Variants in TUBB1 observed in about 807,000 individuals in gnomAD.
TUBB1 encodes the protein tubulin beta 1 class VI.
In TUBB1, 28 loss-of-function variants were observed where a neutral mutation model predicts 22.6. That is an observed-to-expected ratio of 1.24 (90% confidence interval 0.92 to 1.70). The LOEUF (loss-of-function observed/expected upper bound fraction) is 1.70. Ranked by LOEUF, TUBB1 falls within the 40% of genes most tolerant of loss-of-function variation. The probability of loss-of-function intolerance (pLI) is 0.00; values close to 1 mark genes in which losing one functional copy is unlikely to be tolerated. For missense variants in TUBB1, 577 were observed against 605.5 expected, an observed-to-expected ratio of 0.95 and a Z score of 0.49; for synonymous variants, 226 against 238.0, an observed-to-expected ratio of 0.95 and a Z score of 0.46.
upstream of TUBB1, among the ~76,000 whole-genome samples, chr20:59,016,657 T>C (rs1218497190): frequency 6.6e-6 from 1 of 152,192 alleles, no homozygotes; most frequent in African/African-American, 2.4e-5. Context: ...TGAGGCAAGA[T>C]GGGCTAATGT....
rs759106726 is a variant in TUBB1, at chr20:59,024,332, C to T, written c.905C>T (p.Ala302Val). 2.7e-5 allele frequency: 44 copies of T among 1,613,640 alleles called. No homozygotes were observed. Among genetic ancestry groups the T allele is most frequent in the Non-Finnish European group, 3.4e-5 (40 of 1,179,786 alleles). The change falls in exon 4 of 4, where the codon GCC (alanine) becomes GTC (valine). Residue 302 changes from alanine to valine, a missense_variant. Physicochemically the swap from Ala to Val is moderately conservative, Grantham distance 64. Coordinates refer to ENST00000217133, the MANE Select transcript of TUBB1 (RefSeq NM_030773.4). This position sits in a 1 kb window ranked among gnomAD's most constrained non-coding sequence, Gnocchi z 4.9. ...TTCGATGCCCGCAATACCATGGCTGCCTGTGACCTCCGCCGTGGCCGCTAC... is the reference window on the plus strand; with the variant it reads ...TTCGATGCCCGCAATACCATGGCTGTCTGTGACCTCCGCCGTGGCCGCTAC... ...QMFDARNTMAACDLRRGRYLT... is the reference protein window; with the variant it reads ...QMFDARNTMAVCDLRRGRYLT...
At chr20:59,016,996 A>C (rs889281963), upstream of TUBB1, among the ~76,000 whole-genome samples, 2 of 152,134 alleles carry the variant, frequency 1.3e-5, no homozygotes, top group African/African-American at 4.8e-5. Context: ...CTTTGAAAAG[A>C]ACCAGCAATT....
Position 59,024,113 on chromosome 20 carries a change from T to C in TUBB1, c.686T>C (p.Val229Ala). 1.9e-6 allele frequency: 3 copies of C among 1,614,220 alleles called. No homozygotes were observed. The highest frequency in any genetic ancestry group is 2.5e-6 in the Non-Finnish European group (3 of 1,180,032). Residue 229 changes from valine to alanine, a missense_variant, in exon 4 of 4, where the codon GTG becomes GCG. Coordinates refer to ENST00000217133, the MANE Select transcript of TUBB1 (RefSeq NM_030773.4). This position sits in a 1 kb window ranked among gnomAD's most constrained non-coding sequence, Gnocchi z 4.9. The stretch of plus-strand genomic sequence containing the variant: ...ACCTATGGGGATCTCAACCACCTAG[T>C]GTCCTTGACCATGAGCGGCATAACC... ...TPTYGDLNHL[V>A]SLTMSGITTS...
chr20:59,023,284 A>G (rs1170939924), intron 2 of TUBB1, among the ~76,000 whole-genome samples: 1 of 151,996 alleles, frequency 6.6e-6, no homozygotes, highest in Non-Finnish European at 1.5e-5. Context: ...AGACTGATGG[A>G]GATTGTTTCT....
rs753172749 is a variant in TUBB1, at chr20:59,023,832, C to T, written c.405C>T (p.Ile135=). Residue 135 remains isoleucine (I), a synonymous_variant, in exon 4 of 4, where the codon ATC becomes ATT. Coordinates refer to ENST00000217133, the MANE Select transcript of TUBB1 (RefSeq NM_030773.4). Reference sequence around the variant, plus strand: ...GTGACTGCCTGCAGGGCTTCCAGATCGTCCACTCCCTGGGCGGGGGCACAG... The same window carrying T: ...GTGACTGCCTGCAGGGCTTCCAGATTGTCCACTCCCTGGGCGGGGGCACAG... ...ESCDCLQGFQ[I]VHSLGGGTGS... 1.9e-6 allele frequency: 3 copies of T among 1,614,160 alleles called. No individual in the cohort carries two copies. The highest frequency in any genetic ancestry group is 1.7e-5 in the Admixed American group (1 of 60,020).
At position 59,019,588 on chromosome 20, in the gene TUBB1, T is replaced by C. The variant is rs774094890; in HGVS notation, c.57+9T>C. The C allele has an allele frequency of 6.2e-7, 1 of 1,614,058 alleles. No individual in the cohort carries two copies. The highest frequency in any genetic ancestry group is 8.5e-7 in the Non-Finnish European group (1 of 1,179,904). On this transcript the variant is annotated intron_variant, in intron 1 of 3. Coordinates refer to ENST00000217133, the MANE Select transcript of TUBB1 (RefSeq NM_030773.4). The stretch of plus-strand genomic sequence containing the variant: ...ACCAGATCGGAGCCAAGGTAAGTAA[T>C]GTCTGGTTACTAATCCTAGCTTTAC...
Position 59,024,775 on chromosome 20 carries a change from G to T in TUBB1, c.1348G>T (p.Gly450Ter). ...GGCAGAAATGGAGCCAGAAGATAAG[G>T]GACATTAACTGTGAGAGAAGCTGTG... ...EEAEMEPEDK[G>*]H Residue 450 changes from glycine (G) to a stop codon, truncating the protein, a stop_gained, in exon 4 of 4, where the codon GGA becomes TGA. Coordinates refer to ENST00000217133, the MANE Select transcript of TUBB1 (RefSeq NM_030773.4). LOFTEE classifies it high-confidence loss of function. This position sits in a 1 kb window ranked among gnomAD's most constrained non-coding sequence, Gnocchi z 4.9. 6.2e-7 allele frequency: 1 copy of T among 1,614,020 alleles called. No individual in the cohort carries two copies. The highest frequency in any genetic ancestry group is 1.7e-5 in the Admixed American group (1 of 60,026).
rs2091986429 is a variant in TUBB1, at chr20:59,024,739, G to C, written c.1312G>C (p.Val438Leu). The C allele has an allele frequency of 6.2e-7, 1 of 1,614,130 alleles. No homozygotes were observed. Among genetic ancestry groups the C allele is most frequent in the Middle Eastern group, 1.6e-4 (1 of 6,062 alleles). ...AKAVLEEDEE[V>L]TEEAEMEPED... The stretch of plus-strand genomic sequence containing the variant: ...AGCAGTTCTAGAGGAAGATGAAGAG[G>C]TCACGGAGGAGGCAGAAATGGAGCC... Residue 438 changes from valine (V) to leucine (L), a missense_variant, in exon 4 of 4, where the codon GTC becomes CTC. Val to Leu is a conservative substitution (Grantham distance 32). Transcript: ENST00000217133. This position sits in a 1 kb window ranked among gnomAD's most constrained non-coding sequence, Gnocchi z 4.9.
intron 1 of TUBB1, 72 bp downstream of exon 1, chr20:59,019,651 A>G: frequency 1.4e-6 from 2 of 1,441,096 alleles, no homozygotes; most frequent in Non-Finnish European, 2.0e-6. Context: ...AAAATACCCT[A>G]AGTTAGCAGG....
chr20:59,023,847 C>CG lies in TUBB1; in HGVS notation c.425dup (p.Thr143HisfsTer14). ...GCTTCCAGATCGTCCACTCCCTGGG[C>CG]GGGGGCACAGGCTCCGGGATGGGCA... On this transcript the variant is annotated frameshift_variant, in exon 4 of 4. Coordinates refer to ENST00000217133, the MANE Select transcript of TUBB1 (RefSeq NM_030773.4). LOFTEE classifies it high-confidence loss of function. 1.2e-6 allele frequency: 2 copies of CG among 1,614,064 alleles called. No homozygotes were observed. Among genetic ancestry groups the CG allele is most frequent in the Non-Finnish European group, 1.7e-6 (2 of 1,179,968 alleles).
chr20:59,023,524 C>T lies in TUBB1; in HGVS notation c.201C>T (p.Asp67=), dbSNP rs988554913. Residue 67 remains aspartate (D), a synonymous_variant, in exon 3 of 4, where the codon GAC becomes GAT. Transcript: ENST00000217133. ...RKYVPRAVLV[D]LEPGTMDSIR... is the part of the protein sequence containing the mutation. ...ATGTGCCCCGAGCAGTCTTGGTGGA[C>T]CTAGAACCTGGGACGATGGACAGCA... 1 of 1,613,972 alleles carries T rather than the reference C, an allele frequency of 6.2e-7. No homozygotes were observed. The highest frequency in any genetic ancestry group is 8.5e-7 in the Non-Finnish European group (1 of 1,180,026).
chr20:59,023,541 T>C lies in TUBB1; in HGVS notation c.218T>C (p.Met73Thr). Residue 73 changes from methionine (M) to threonine (T), a missense_variant, in exon 3 of 4, where the codon ATG becomes ACG. Coordinates refer to ENST00000217133, the MANE Select transcript of TUBB1 (RefSeq NM_030773.4). ...TTGGTGGACCTAGAACCTGGGACGA[T>C]GGACAGCATTCGATCTAGCAAATTA... is the stretch of plus-strand genomic sequence containing the variant. ...AVLVDLEPGT[M>T]DSIRSSKLGA... The C allele has an allele frequency of 1.2e-6, 2 of 1,614,226 alleles. No homozygotes were observed. The highest frequency in any genetic ancestry group is 1.7e-6 in the Non-Finnish European group (2 of 1,180,038).
At position 59,024,973 on chromosome 20, in the gene TUBB1, A is replaced by G; in HGVS notation, c.*190A>G. On this transcript the variant is annotated 3_prime_UTR_variant, in exon 4 of 4. Coordinates refer to ENST00000217133, the MANE Select transcript of TUBB1 (RefSeq NM_030773.4). The surrounding 1 kb of genome is among the most constrained non-coding windows in gnomAD (Gnocchi z 4.9). Reference sequence around the variant, plus strand: ...CTGACAGGCATTAGGGTCTTTGCTGACATCTACTAACCTTGAAGAGTTTGA... The same window carrying G: ...CTGACAGGCATTAGGGTCTTTGCTGGCATCTACTAACCTTGAAGAGTTTGA... 1 of 647,490 alleles carries G rather than the reference A, an allele frequency of 1.5e-6. No homozygotes were observed. Among genetic ancestry groups the G allele is most frequent in the Admixed American group, 2.3e-5 (1 of 42,712 alleles). 40.1% of individuals were successfully genotyped at this position (647,490 alleles called of 1,614,324 possible).
intron 1 of TUBB1, 142 bp downstream of exon 1, chr20:59,019,721 C>A: frequency 1.2e-6 from 1 of 867,928 alleles, no homozygotes; most frequent in Non-Finnish European, 1.8e-6. Context: ...TGCCTTTGGG[C>A]TTTAATTCTT....
rs575300072 is a variant in TUBB1 at position 59,022,875 on chromosome 20, A to G, written c.88A>G (p.Ile30Val). The G allele has an allele frequency of 9.9e-6, 16 of 1,614,074 alleles. No individual in the cohort carries two copies. The Admixed American group carries it at 2.0e-4, about 20-fold the overall frequency. The change falls in exon 2 of 4, where the codon ATC (isoleucine) becomes GTC (valine). Residue 30 changes from isoleucine (I) to valine (V), a missense_variant. Transcript: ENST00000217133. Reference sequence around the variant, plus strand: ...GGAGATGATTGGTGAGGAACACGGGATCGACTTGGCTGGGAGCGACCGCGG... The same window carrying G: ...GGAGATGATTGGTGAGGAACACGGGGTCGACTTGGCTGGGAGCGACCGCGG... ...FWEMIGEEHGIDLAGSDRGAS... is the reference protein window; with the variant it reads ...FWEMIGEEHGVDLAGSDRGAS...
rs369101405 is a variant in TUBB1, at chr20:59,023,954, C to T, written c.527C>T (p.Ser176Leu). 55 of 1,613,990 alleles carry T rather than the reference C, an allele frequency of 3.4e-5. No individual in the cohort carries two copies. The highest frequency in any genetic ancestry group is 3.5e-5 in the Non-Finnish European group (41 of 1,180,016). The change falls in exon 4 of 4, where the codon TCG (serine) becomes TTG (leucine). Residue 176 changes from serine to leucine, a missense_variant. By Grantham distance (145) the Ser-to-Leu change is moderately radical (BLOSUM62 -2). Coordinates refer to ENST00000217133, the MANE Select transcript of TUBB1 (RefSeq NM_030773.4). ...SFSVMPSPKV[S>L]DTVVEPYNAV... ...AGCGTCATGCCTTCTCCCAAGGTGT[C>T]GGACACTGTGGTGGAGCCCTACAAC...
At position 59,024,110 on chromosome 20, in the gene TUBB1, T is replaced by C. The variant is rs753800012; in HGVS notation, c.683T>C (p.Leu228Pro). 6.2e-7 allele frequency: 1 copy of C among 1,614,198 alleles called. No homozygotes were observed. Among genetic ancestry groups the C allele is most frequent in the South Asian group, 1.1e-5 (1 of 91,078 alleles). ...CCCACCTATGGGGATCTCAACCACC[T>C]AGTGTCCTTGACCATGAGCGGCATA... ...TTPTYGDLNH[L>P]VSLTMSGITT... Residue 228 changes from leucine (L) to proline (P), a missense_variant, in exon 4 of 4, where the codon CTA becomes CCA. Leu to Pro is a moderately conservative substitution (Grantham distance 98, BLOSUM62 -3). Transcript: ENST00000217133. The surrounding 1 kb of genome is among the most constrained non-coding windows in gnomAD (Gnocchi z 4.9).
upstream of TUBB1, among the ~76,000 whole-genome samples, chr20:59,018,110 C>T (rs929897121): frequency 6.6e-6 from 1 of 152,258 alleles, no homozygotes; most frequent in African/African-American, 2.4e-5. Flanking sequence ...CACTGGCTCT[C>T]CCCTTCCGAG....
At chr20:59,018,725 G>C (rs1481248773), upstream of TUBB1, among the ~76,000 whole-genome samples, 2 of 152,152 alleles carry the variant, frequency 1.3e-5, no homozygotes, top group Non-Finnish European at 2.9e-5. Context: ...GAATACAATT[G>C]GGAGTCCGTT....
Sources: allele counts gnomAD v4.1 joint callset (sites outside exome capture counted in the v4.1 genomes callset), GRCh38; gene constraint gnomAD v4.1.1; non-coding constraint Gnocchi (gnomAD v3.1); transcripts MANE v1.5; gene names NCBI Gene and HGNC (gene_info 2026-07-23, HGNC 2026-07-21).